Variants in MED15 observed in about 807,000 individuals in gnomAD.
MED15 encodes mediator of RNA polymerase II transcription subunit 15.
A neutral mutation model predicts 118.7 loss-of-function variants in MED15; 41 were observed. That is an observed-to-expected ratio of 0.35 (90% CI 0.27 to 0.45). MED15 has a LOEUF of 0.45. MED15 is among the 20% of genes least tolerant of loss of function. The pLI, the probability that MED15 is intolerant of heterozygous loss-of-function variation, is 1.00. For synonymous variants in MED15, 436 were observed against 413.9 expected (o/e 1.05, Z -0.65); for missense variants, 740 against 1,025.5 (o/e 0.72, Z 3.80).
chr22:20,574,954 A>G (rs1323640137), intron 8 of MED15, 159 bp from the exon 9 acceptor site: 2 of 938,904 alleles, frequency 2.1e-6, no homozygotes, highest in East Asian at 2.4e-5. Context: ...GTGGGCTTGA[A>G]CATGTGGGTG....
chr22:20,573,070 G>C (rs2056718263), intron 8 of MED15, among the ~76,000 whole-genome samples: 1 of 151,816 alleles, frequency 6.6e-6, no homozygotes, highest in Non-Finnish European at 1.5e-5. Flanking sequence ...CTGGGTTCAA[G>C]GGATTCTCCT....
At chr22:20,560,552 C>T (rs1053383169) in intron 5 of MED15, among the ~76,000 whole-genome samples, 6 of 152,108 alleles carry the variant, frequency 3.9e-5, no homozygotes, top group Admixed American at 6.5e-5. Flanking sequence ...CATGAGCCTC[C>T]GCGCCTGGCC....
At chr22:20,537,009 T>C in intron 1 of MED15, 108 bp from the exon 2 acceptor site, 1 of 973,806 alleles carries the variant, frequency 1.0e-6, no homozygotes, top group Admixed American at 2.4e-5. Flanking sequence ...GTGCTGGCGA[T>C]AGCACCTTGT....
chr22:20,527,203 T>C (rs1330840039), intron 1 of MED15, among the ~76,000 whole-genome samples: 1 of 152,152 alleles, frequency 6.6e-6, no homozygotes, highest in Non-Finnish European at 1.5e-5. Context: ...CTGGAGTGTT[T>C]AATGTTCACT....
rs770836010 is a variant in MED15, at chr22:20,553,131, G to C, written c.209-14G>C. On this transcript the variant is annotated splice_polypyrimidine_tract_variant and intron_variant, in intron 3 of 17. Coordinates refer to ENST00000263205, the MANE Select transcript of MED15 (RefSeq NM_001003891.3). ...TATGTTTACTTTCGTTTTTTTGTTT[G>C]TGTTTTCATATAGATAACAAGAAAT... The C allele has an allele frequency of 3.1e-6, 5 of 1,604,878 alleles. No homozygotes were observed. The African/African-American group carries it at 6.7e-5, about 22-fold the overall frequency.
intron 1 of MED15, among the ~76,000 whole-genome samples, chr22:20,511,018 C>G (rs1569161949): frequency 6.6e-6 from 1 of 152,084 alleles, no homozygotes; most frequent in Non-Finnish European, 1.5e-5. Context: ...TTCACTTTCT[C>G]TCTAGGGTTC....
At chr22:20,529,549 C>T (rs906621267) in intron 1 of MED15, among the ~76,000 whole-genome samples, 5 of 152,106 alleles carry the variant, frequency 3.3e-5, no homozygotes, top group Non-Finnish European at 7.4e-5. Flanking sequence ...CTCGGCCTCC[C>T]GAGTAACTGG....
intron 2 of MED15, among the ~76,000 whole-genome samples, chr22:20,541,607 C>A (rs1410400217): frequency 6.6e-6 from 1 of 150,746 alleles, no homozygotes; most frequent in Admixed American, 6.6e-5. Context: ...CCTCAGCCTC[C>A]TGGGTAGCTG....
chr22:20,550,850 T>A (rs1456517509), intron 2 of MED15: 2 of 318,534 alleles, frequency 6.3e-6, no homozygotes, highest in East Asian at 1.7e-4. Flanking sequence ...CCAGTGGCCT[T>A]CACCTCACCT....
intron 6 of MED15, among the ~76,000 whole-genome samples, chr22:20,565,846 A>T (rs897888275): frequency 6.6e-6 from 1 of 152,092 alleles, no homozygotes; most frequent in Non-Finnish European, 1.5e-5. Context: ...CTTTTGCTGA[A>T]GTTTCTAGGT....
At chr22:20,539,357 T>C (rs1377590885) in intron 2 of MED15, among the ~76,000 whole-genome samples, 1 of 152,188 alleles carries the variant, frequency 6.6e-6, no homozygotes, top group Non-Finnish European at 1.5e-5. Flanking sequence ...GTGATCCACC[T>C]GCCTTGGCCT....
intron 5 of MED15, among the ~76,000 whole-genome samples, chr22:20,562,120 C>A (rs2056265993): frequency 6.6e-6 from 1 of 151,924 alleles, no homozygotes; most frequent in African/African-American, 2.4e-5. Flanking sequence ...ACGATGGAGA[C>A]ACTGCATTCC....
At chr22:20,584,706 A>C in intron 14 of MED15, 149 bp from the exon 15 acceptor site, 1 of 1,052,726 alleles carries the variant, frequency 9.5e-7, no homozygotes, top group South Asian at 1.5e-5. Flanking sequence ...TATTCCCAGG[A>C]TCAGCCAACA....
In MED15 at chr22:20,583,257, A is replaced by G. The variant is rs199541445; in HGVS notation, c.1672+10A>G. ...ATCGACAAGAACGAAGGTAGGCTGCAGCCAGGGCAGGGGCCTGCACCCTGG... is the reference window on the plus strand; with the variant it reads ...ATCGACAAGAACGAAGGTAGGCTGCGGCCAGGGCAGGGGCCTGCACCCTGG... On this transcript the variant is annotated intron_variant, in intron 12 of 17. Coordinates refer to ENST00000263205, the MANE Select transcript of MED15 (RefSeq NM_001003891.3). The G allele has an allele frequency of 2.5e-6, 4 of 1,611,694 alleles. No homozygotes were observed. Among genetic ancestry groups the G allele is most frequent in the Non-Finnish European group, 3.4e-6 (4 of 1,178,408 alleles).
chr22:20,521,880 C>T (rs1451778053), intron 1 of MED15, among the ~76,000 whole-genome samples: 6 of 151,924 alleles, frequency 3.9e-5, no homozygotes, highest in Non-Finnish European at 7.4e-5. Context: ...CGTGCACCAC[C>T]ATGCCTGGCT....
chr22:20,554,825 G>C, intron 4 of MED15, 111 bp from the exon 5 acceptor site: 1 of 1,060,206 alleles, frequency 9.4e-7, no homozygotes, highest in African/African-American at 1.6e-5. Context: ...GCTGTGAGGG[G>C]ATTGAGCCTG....
chr22:20,585,116 C>T lies in MED15; in HGVS notation c.1980C>T (p.Cys660=), dbSNP rs1185796285. The change falls in exon 16 of 18, where the codon TGC becomes TGT. Residue 660 remains cysteine (C), a synonymous_variant. Transcript: ENST00000263205. ...GCCTCCCCAGGGCCCCAGTGGTGTG[C>T]ACCCGGAAGCGCAGGCTTGAGGATG... ...HGPPITAPVV[C]TRKRRLEDDE... The T allele has an allele frequency of 3.7e-6, 6 of 1,613,546 alleles. No homozygotes were observed. The highest frequency in any genetic ancestry group is 2.2e-5 in the East Asian group (1 of 44,898).
At position 20,541,112 on chromosome 22, in the gene MED15, G is replaced by A. The variant is rs564196268; in HGVS notation, c.156+3908G>A. Among the ~76,000 whole-genome samples, 54 of 152,162 alleles carry A rather than the reference G, an allele frequency of 3.5e-4. 1 individual carries two copies. The South Asian group carries it at 0.011, about 30-fold the overall frequency. ...AAATTAGCCAGGCGTGGTGGTGGGC[G>A]CCTGTAGTCCCAGCTACTCAGGAGG... On this transcript the variant is annotated intron_variant, in intron 2 of 17. Coordinates refer to ENST00000263205, the MANE Select transcript of MED15 (RefSeq NM_001003891.3).
At chr22:20,551,582 C>A in intron 3 of MED15, 95 bp downstream of exon 3, 1 of 1,207,880 alleles carries the variant, frequency 8.3e-7, no homozygotes, top group Non-Finnish European at 1.2e-6. Flanking sequence ...GGCCGTGGTG[C>A]CTGAGTCAGA....
Sources: gnomAD v4.1 joint callset for allele counts (sites outside exome capture counted in the v4.1 genomes callset) on GRCh38, gnomAD v4.1.1 for gene constraint, MANE v1.5 for transcripts, NCBI Gene and HGNC (gene_info 2026-07-23, HGNC 2026-07-21) for gene names.